Variants in SIPA1L3 observed in about 807,000 individuals in gnomAD.
SIPA1L3 encodes signal-induced proliferation-associated 1-like protein 3.
SIPA1L3 carries 59 observed loss-of-function variants against 150.1 expected under a neutral mutation model. That is an observed-to-expected ratio of 0.39 (90% CI 0.32 to 0.49). SIPA1L3 has a LOEUF of 0.49. Ranked by LOEUF, SIPA1L3 falls within the 20% of genes least tolerant of loss-of-function variation. The pLI, the probability that SIPA1L3 is intolerant of heterozygous loss-of-function variation, is 0.86. For missense variants in SIPA1L3, 2,211 were observed against 2,489.5 expected (o/e 0.89, Z 2.38); for synonymous variants, 1,070 against 1,077.6 (o/e 0.99, Z 0.14).
intron 1 of SIPA1L3, among the ~76,000 whole-genome samples, chr19:37,914,404 C>G (rs1279388486): frequency 6.7e-6 from 1 of 148,662 alleles, no homozygotes; most frequent in Non-Finnish European, 1.5e-5. Context: ...AGGGTCTGCT[C>G]TGTCGCCCAG....
At position 38,143,730 on chromosome 19, in the gene SIPA1L3, A is replaced by G. The variant is rs897288431; in HGVS notation, c.3533+1020A>G. Reference sequence around the variant, plus strand: ...ATTTTTGTATTTTTAGTAGAGACGGATTTTCACCATGCTGGCCAGACTGGT... The same window carrying G: ...ATTTTTGTATTTTTAGTAGAGACGGGTTTTCACCATGCTGGCCAGACTGGT... On this transcript the variant is annotated intron_variant, in intron 12 of 21. Transcript: ENST00000222345. Among the ~76,000 whole-genome samples, 10 of 151,304 alleles carry G rather than the reference A, an allele frequency of 6.6e-5. No homozygotes were observed. The East Asian group carries it at 9.8e-4, about 15-fold the overall frequency.
intron 10 of SIPA1L3, among the ~76,000 whole-genome samples, chr19:38,138,397 C>T (rs949862045): frequency 1.3e-5 from 2 of 152,168 alleles, no homozygotes; most frequent in African/African-American, 4.8e-5. Flanking sequence ...GTACCAGCAA[C>T]AGAACAGACT....
intron 2 of SIPA1L3, among the ~76,000 whole-genome samples, chr19:38,048,156 T>G (rs1433975404): frequency 2.0e-5 from 3 of 152,172 alleles, no homozygotes; most frequent in African/African-American, 7.2e-5. Context: ...TGTTTAACAA[T>G]TAAAAGATAG....
chr19:38,063,778 G>C (rs1969506835), intron 2 of SIPA1L3, among the ~76,000 whole-genome samples: 1 of 152,210 alleles, frequency 6.6e-6, no homozygotes, highest in African/African-American at 2.4e-5. Context: ...CATGATGATA[G>C]TGGGGACACT....
Position 38,164,099 on chromosome 19 carries a change from G to A in SIPA1L3, c.3781-380G>A, listed in dbSNP as rs945674616. On this transcript the variant is annotated intron_variant, in intron 14 of 21. Transcript: ENST00000222345. The surrounding 1 kb of genome is among the most constrained non-coding windows in gnomAD (Gnocchi z 4.1). ...CTGGACATGAGTGAGAGCAAAAGCGGGGTCAAGGTGAGTCCACGGCTCTTG... is the reference window on the plus strand; with the variant it reads ...CTGGACATGAGTGAGAGCAAAAGCGAGGTCAAGGTGAGTCCACGGCTCTTG... Among the ~76,000 whole-genome samples, 4 of 152,188 alleles carry A rather than the reference G, an allele frequency of 2.6e-5. No homozygotes were observed. Among genetic ancestry groups the A allele is most frequent in the Non-Finnish European group, 5.9e-5 (4 of 68,030 alleles).
At chr19:37,996,897 A>T (rs1249593057) in intron 1 of SIPA1L3, among the ~76,000 whole-genome samples, 1 of 151,942 alleles carries the variant, frequency 6.6e-6, no homozygotes, top group Non-Finnish European at 1.5e-5. Context: ...GGGTTTCACC[A>T]TGTTGGCCAG....
At chr19:38,034,742 C>T (rs1357118863) in intron 2 of SIPA1L3, among the ~76,000 whole-genome samples, 1 of 152,206 alleles carries the variant, frequency 6.6e-6, no homozygotes, top group Admixed American at 6.5e-5. Flanking sequence ...TTATTCCTGG[C>T]AGCCCTGCAG....
intron 13 of SIPA1L3, 80 bp downstream of exon 13, chr19:38,153,047 C>T: frequency 1.3e-6 from 2 of 1,511,344 alleles, no homozygotes; most frequent in Admixed American, 2.0e-5. Flanking sequence ...ACAGGCAACA[C>T]TCCCCCTCTT....
intron 1 of SIPA1L3, among the ~76,000 whole-genome samples, chr19:38,017,466 C>G (rs1057240855): frequency 2.6e-5 from 4 of 151,988 alleles, no homozygotes; most frequent in South Asian, 2.1e-4. Flanking sequence ...CAGAGTTCTC[C>G]TTTCCTTCCA....
intron 1 of SIPA1L3, among the ~76,000 whole-genome samples, chr19:37,922,158 C>T (rs1434613671): frequency 6.6e-6 from 1 of 152,036 alleles, no homozygotes; most frequent in Non-Finnish European, 1.5e-5. Context: ...AATCTCAGCT[C>T]ACTGCAACCT....
At chr19:38,023,562 G>A (rs919817221) in intron 1 of SIPA1L3, among the ~76,000 whole-genome samples, 1 of 152,182 alleles carries the variant, frequency 6.6e-6, no homozygotes, top group African/African-American at 2.4e-5. Context: ...TTCAAAGACT[G>A]GACAGGGATG....
At chr19:37,953,751 G>A (rs2046784858) in intron 1 of SIPA1L3, among the ~76,000 whole-genome samples, 2 of 152,202 alleles carry the variant, frequency 1.3e-5, no homozygotes, top group South Asian at 4.1e-4. Flanking sequence ...GCTGCTGGCT[G>A]TACCCCCAGG....
At chr19:38,199,861 A>G (rs1016186090) in intron 19 of SIPA1L3, 1 of 152,110 alleles carries the variant, frequency 6.6e-6, no homozygotes. Flanking sequence ...AAATATATAT[A>G]TATATATTTT....
At chr19:37,946,033 T>C (rs1056152578) in intron 1 of SIPA1L3, among the ~76,000 whole-genome samples, 1 of 151,946 alleles carries the variant, frequency 6.6e-6, no homozygotes, top group African/African-American at 2.4e-5. Flanking sequence ...CAAGCGCCTG[T>C]AATCCCAGCT....
chr19:38,200,457 G>A (rs1438524029), intron 19 of SIPA1L3: 1 of 152,236 alleles, frequency 6.6e-6, no homozygotes, highest in African/African-American at 2.4e-5. Flanking sequence ...GAACTCCCAT[G>A]CTGATCAGTA....
At chr19:37,941,087 T>TAC (rs59368800) in intron 1 of SIPA1L3, among the ~76,000 whole-genome samples, 16,063 of 128,530 alleles carry the variant, frequency 0.12, 930 homozygotes, top group Middle Eastern at 0.18. Flanking sequence ...CACACACACA[T>TAC]ACACACACAC....
chr19:37,976,699 G>A (rs1174604856), intron 1 of SIPA1L3, among the ~76,000 whole-genome samples: 1 of 152,178 alleles, frequency 6.6e-6, no homozygotes, highest in Non-Finnish European at 1.5e-5. Flanking sequence ...TATAAGATGG[G>A]AATGAGAACC....
chr19:38,190,514 C>A (rs1450294599), intron 16 of SIPA1L3, among the ~76,000 whole-genome samples: 1 of 152,132 alleles, frequency 6.6e-6, no homozygotes, highest in Non-Finnish European at 1.5e-5. Context: ...TTGCTCTCGC[C>A]CTTCCTTTGT....
At chr19:38,043,872 A>C (rs1295767586) in intron 2 of SIPA1L3, among the ~76,000 whole-genome samples, 7 of 152,024 alleles carry the variant, frequency 4.6e-5, no homozygotes, top group Non-Finnish European at 2.9e-5. Context: ...GGATAGGGGG[A>C]GGGTTCTGAG....
Sources: gnomAD v4.1 joint callset for allele counts (sites outside exome capture counted in the v4.1 genomes callset) on GRCh38, gnomAD v4.1.1 for gene constraint, Gnocchi (gnomAD v3.1) non-coding constraint, MANE v1.5 for transcripts, NCBI Gene and HGNC (gene_info 2026-07-23, HGNC 2026-07-21) for gene names.